ATP13A3: variants seen among roughly 807,000 people sequenced by gnomAD.
ATP13A3 encodes ATPase 13A3.
ATP13A3 carries 59 observed loss-of-function variants against 158.1 expected under a neutral mutation model. The observed-to-expected ratio is 0.37, with a 90% CI of 0.30 to 0.46. The LOEUF (loss-of-function observed/expected upper bound fraction) is 0.46. Ranked by LOEUF, ATP13A3 falls within the 20% of genes least tolerant of loss-of-function variation. The pLI is 1.00. For missense variants in ATP13A3, 1,166 were observed against 1,525.2 expected (o/e 0.76, Z 3.92); for synonymous variants, 491 against 504.3 (o/e 0.97, Z 0.35).
At chr3:194,450,533 G>T (rs1401316651) in intron 10 of ATP13A3, 5 of 414,724 alleles carry the variant, frequency 1.2e-5, no homozygotes, top group African/African-American at 2.0e-5. Flanking sequence ...AGCAGGTTAA[G>T]TGTGCTTCAA....
chr3:194,431,864 C>T lies in ATP13A3; in HGVS notation c.2274G>A (p.Val758=). ...GTAGAATCATTCCACAATCTCTGGC[C>T]ACAGAGACAGCAGTCAACATACTGT... ...TGDSMLTAVS[V]ARDCGMILPQ... is the part of the protein sequence containing the mutation. Residue 758 remains valine (V), a synonymous_variant, in exon 22 of 34, where the codon GTG becomes GTA. Transcript: ENST00000645319. 1 of 1,601,248 alleles carries T rather than the reference C, an allele frequency of 6.2e-7. No individual in the cohort carries two copies. The highest frequency in any genetic ancestry group is 8.5e-7 in the Non-Finnish European group (1 of 1,175,694).
intron 2 of ATP13A3, among the ~76,000 whole-genome samples, chr3:194,479,173 T>C (rs961686990): frequency 6.6e-6 from 1 of 152,158 alleles, no homozygotes; most frequent in African/African-American, 2.4e-5. Flanking sequence ...CATCAAACAC[T>C]GAACAGAAAA....
chr3:194,447,929 A>C lies in ATP13A3; in HGVS notation c.1231T>G (p.Tyr411Asp). The change falls in exon 13 of 34, where the codon TAC becomes GAC. Residue 411 changes from tyrosine (Y) to aspartate (D), a missense_variant. Transcript: ENST00000645319. ...PTDFKLYRDA[Y>D]LFLLCLVAVA... ...GCCACAAGACATAGTAGAAACAAGT[A>C]GGCATCTCTGTAGAGTTTAAAATCA... 1 of 1,610,494 alleles carries C rather than the reference A, an allele frequency of 6.2e-7. No individual in the cohort carries two copies. The highest frequency in any genetic ancestry group is 8.5e-7 in the Non-Finnish European group (1 of 1,176,756).
intron 14 of ATP13A3, 42 bp from the exon 15 acceptor site, chr3:194,444,828 G>T (rs774021036): frequency 2.0e-6 from 3 of 1,502,504 alleles, no homozygotes; most frequent in Non-Finnish European, 2.7e-6. Flanking sequence ...TATGGATGAT[G>T]CCTCAAAAAA....
chr3:194,405,716 T>C lies in ATP13A3; in HGVS notation c.*203A>G. 1.7e-6 allele frequency: 1 copy of C among 571,550 alleles called. No homozygotes were observed. Among genetic ancestry groups the C allele is most frequent in the Non-Finnish European group, 3.1e-6 (1 of 327,720 alleles). 35.4% of individuals were successfully genotyped at this position (571,550 alleles called of 1,614,324 possible). ...GTTGCTGAATGAAGATATAGGACTT[T>C]ATGGATTGATTGTTAATTTAACTGT... On this transcript the variant is annotated 3_prime_UTR_variant, in exon 34 of 34. Transcript: ENST00000645319.
intron 2 of ATP13A3, among the ~76,000 whole-genome samples, chr3:194,485,050 C>T (rs1429228492): frequency 6.9e-6 from 1 of 144,418 alleles, no homozygotes; most frequent in Non-Finnish European, 1.5e-5. Context: ...GAGCAAGATG[C>T]CATCTCAAAA....
rs777360115 is a variant in ATP13A3 at position 194,431,214 on chromosome 3, T to C, written c.2434A>G (p.Lys812Glu). Residue 812 changes from lysine (K) to glutamate (E), a missense_variant, in exon 23 of 34, where the codon AAA becomes GAA. By Grantham distance (56) the Lys-to-Glu change is moderately conservative. Coordinates refer to ENST00000645319, the MANE Select transcript of ATP13A3 (RefSeq NM_001367549.1). ...TCCTCTAAGCTATCATGGACCAATT[T>C]AACCGGAATAGCCTGTGTATATGAG... ...SAIDPEAIPV[K>E]LVHDSLEDLQ... 2 of 1,613,038 alleles carry C rather than the reference T, an allele frequency of 1.2e-6. No individual in the cohort carries two copies. The highest frequency in any genetic ancestry group is 8.5e-7 in the Non-Finnish European group (1 of 1,179,152).
chr3:194,409,424 C>T (rs1715185366), intron 33 of ATP13A3, among the ~76,000 whole-genome samples: 1 of 152,108 alleles, frequency 6.6e-6, no homozygotes, highest in Non-Finnish European at 1.5e-5. Flanking sequence ...AGGAAGAAAA[C>T]ATAAATTGGG....
At chr3:194,486,045 GA>G (rs1009505530) in intron 1 of ATP13A3, among the ~76,000 whole-genome samples, 18 of 152,144 alleles carry the variant, frequency 1.2e-4, no homozygotes, top group Non-Finnish European at 1.9e-4. Context: ...GAGTGGCCAC[GA>G]GAGCACTGCT....
chr3:194,490,033 T>C (rs62286679), upstream of ATP13A3, among the ~76,000 whole-genome samples: 13,898 of 152,186 alleles, frequency 0.091, 929 homozygotes, highest in Non-Finnish European at 0.13. The surrounding 1 kb of genome is among the most constrained non-coding windows in gnomAD (Gnocchi z 4.4). Context: ...TGCAGCTGCA[T>C]GGAGGTAACA....
intron 33 of ATP13A3, among the ~76,000 whole-genome samples, chr3:194,410,141 G>C (rs1038835626): frequency 6.6e-6 from 1 of 151,430 alleles, no homozygotes; most frequent in Non-Finnish European, 1.5e-5. Flanking sequence ...GAACACTTCA[G>C]AGGTAGAAAC....
At chr3:194,477,800 T>C (rs914669985) in intron 2 of ATP13A3, among the ~76,000 whole-genome samples, 1 of 152,182 alleles carries the variant, frequency 6.6e-6, no homozygotes, top group Non-Finnish European at 1.5e-5. Context: ...CCTCACTTCA[T>C]CCACTCCTAC....
At position 194,448,154 on chromosome 3, in the gene ATP13A3, T is replaced by C. The variant is rs1339406166; in HGVS notation, c.1151-145A>G. ...GTACAGTGGTGTGATCTCGACTCAC[T>C]GCAAGCTCCGCCTCCTGGGTTCACG... On this transcript the variant is annotated intron_variant, in intron 12 of 33. Coordinates refer to ENST00000645319, the MANE Select transcript of ATP13A3 (RefSeq NM_001367549.1). This position sits in a 1 kb window ranked among gnomAD's most constrained non-coding sequence, Gnocchi z 4.0. 2.4e-6 allele frequency: 2 copies of C among 836,906 alleles called. No individual in the cohort carries two copies. Among genetic ancestry groups the C allele is most frequent in the Non-Finnish European group, 3.7e-6 (2 of 540,890 alleles). 51.8% of individuals were successfully genotyped at this position (836,906 alleles called of 1,614,324 possible).
At chr3:194,414,382 G>C (rs887304194) in intron 31 of ATP13A3, among the ~76,000 whole-genome samples, 1 of 151,492 alleles carries the variant, frequency 6.6e-6, no homozygotes, top group African/African-American at 2.4e-5. Flanking sequence ...AGAATCACTT[G>C]AGCCTGGGAA....
intron 13 of ATP13A3, 126 bp from the exon 14 acceptor site, chr3:194,447,241 T>A (rs1335269408): frequency 1.4e-6 from 1 of 733,928 alleles, no homozygotes; most frequent in Admixed American, 3.4e-5. Flanking sequence ...TATGTGTGTG[T>A]ATATACATAT....
intron 21 of ATP13A3, among the ~76,000 whole-genome samples, chr3:194,433,230 T>TTC (rs1327914683): frequency 6.9e-6 from 1 of 144,300 alleles, no homozygotes; most frequent in Non-Finnish European, 1.5e-5. Flanking sequence ...ACTTTTACTA[T>TTC]TCTTTTTTTT....
chr3:194,483,435 A>AAAAAAAAAAAAAAAAC (rs1720838854), intron 2 of ATP13A3, among the ~76,000 whole-genome samples: 1 of 151,318 alleles, frequency 6.6e-6, no homozygotes, highest in African/African-American at 2.4e-5. Context: ...ACAAAAAAAA[A>AAAAAAAAAAAAAAAAC]AAAAACTAGC....
At position 194,430,103 on chromosome 3, in the gene ATP13A3, G is replaced by C. The variant is rs757268260; in HGVS notation, c.2746C>G (p.Pro916Ala). The C allele has an allele frequency of 3.7e-6, 6 of 1,614,092 alleles. No individual in the cohort carries two copies. Among genetic ancestry groups the C allele is most frequent in the South Asian group, 1.1e-5 (1 of 91,066 alleles). ...AGGTTTGGCACACAGGAAATACTAG[G>C]AGTCTTAGAGGTAAAGGGAGATGCC... ...SVASPFTSKT[P>A]SISCVPNLIR... Residue 916 changes from proline to alanine, a missense_variant, in exon 26 of 34, where the codon CCT (proline) becomes GCT (alanine). Coordinates refer to ENST00000645319, the MANE Select transcript of ATP13A3 (RefSeq NM_001367549.1).
chr3:194,465,587 C>T (rs1033545801), intron 2 of ATP13A3, among the ~76,000 whole-genome samples: 5 of 152,086 alleles, frequency 3.3e-5, no homozygotes, highest in African/African-American at 4.8e-5. Context: ...CTTTAGTTAG[C>T]GGGATAAAAT....
Sources: allele counts gnomAD v4.1 joint callset (sites outside exome capture counted in the v4.1 genomes callset), GRCh38; gene constraint gnomAD v4.1.1; non-coding constraint Gnocchi (gnomAD v3.1); transcripts MANE v1.5; gene names NCBI Gene and HGNC (gene_info 2026-07-23, HGNC 2026-07-21).